The following PRKCZ variants were observed in gnomAD, a reference collection of about 807,000 sequenced individuals.
The protein encoded by PRKCZ is protein kinase C zeta.
PRKCZ carries 33 observed loss-of-function variants against 79.5 expected under a neutral mutation model. The ratio of observed to expected loss-of-function variants is 0.41; its 90% CI spans 0.31 to 0.55. PRKCZ has a LOEUF of 0.55. Ranked by LOEUF, PRKCZ falls within the 20% of genes least tolerant of loss-of-function variation. The pLI is 0.19. For missense variants in PRKCZ, 578 were observed against 813.5 expected (o/e 0.71, Z 3.52); for synonymous variants, 342 against 320.9 (o/e 1.07, Z -0.70).
At chr1:2,155,948 G>A (rs762699917) in intron 9 of PRKCZ, 47 bp from the exon 10 acceptor site, 68 of 1,546,048 alleles carry the variant, frequency 4.4e-5, no homozygotes, top group Non-Finnish European at 5.5e-5. Context: ...GGATGCCTGT[G>A]AGGAGCATTC....
rs1667269709 is a variant in PRKCZ at position 2,100,572 on chromosome 1, G to T, written c.335-34690G>T. ...ACAGGAACTTATGGGTACCTTGCAAGTTTGCACAGAAAGTGGAGCCCGTCT... is the reference window on the plus strand; with the variant it reads ...ACAGGAACTTATGGGTACCTTGCAATTTTGCACAGAAAGTGGAGCCCGTCT... On this transcript the variant is annotated intron_variant, in intron 4 of 17. Transcript: ENST00000378567. Among the ~76,000 whole-genome samples the T allele has an allele frequency of 2.0e-5, 3 of 152,268 alleles. No homozygotes were observed. In the South Asian group the frequency reaches 6.2e-4, roughly 31 times the overall value.
chr1:2,126,591 T>G (rs1244346942), intron 4 of PRKCZ, among the ~76,000 whole-genome samples: 1 of 152,182 alleles, frequency 6.6e-6, no homozygotes, highest in African/African-American at 2.4e-5. Context: ...CTCATTTGAT[T>G]GGCTTAGACC....
At chr1:2,107,971 CA>C (rs1268134909) in intron 4 of PRKCZ, among the ~76,000 whole-genome samples, 4 of 150,248 alleles carry the variant, frequency 2.7e-5, no homozygotes, top group African/African-American at 5.0e-5. Flanking sequence ...AGGGAGCCCC[CA>C]GACAGTGTCA....
At chr1:2,053,752 G>C (rs1238166511) in intron 1 of PRKCZ, among the ~76,000 whole-genome samples, 1 of 152,230 alleles carries the variant, frequency 6.6e-6, no homozygotes, top group African/African-American at 2.4e-5. Context: ...TGGAGTTCCT[G>C]GTGGTCAGAC....
At chr1:2,138,690 C>T (rs571376218) in intron 5 of PRKCZ, among the ~76,000 whole-genome samples, 4 of 152,270 alleles carry the variant, frequency 2.6e-5, no homozygotes, top group African/African-American at 7.2e-5. Flanking sequence ...AATCCCAGCA[C>T]TTTGGGAGGC....
Position 2,169,548 on chromosome 1 carries a change from C to T in PRKCZ, c.1005C>T (p.Gly335=), listed in dbSNP as rs565583717. Residue 335 remains glycine, a synonymous_variant, in exon 11 of 18, where the codon GGC becomes GGT. Coordinates refer to ENST00000378567, the MANE Select transcript of PRKCZ (RefSeq NM_002744.6). ...RLFLVIEYVN[G]GDLMFHMQRQ... Reference sequence around the variant, plus strand: ...TCCTGGTCATTGAGTACGTCAACGGCGGGGACCTGATGTTCCACATGCAGA... The same window carrying T: ...TCCTGGTCATTGAGTACGTCAACGGTGGGGACCTGATGTTCCACATGCAGA... 9 of 1,543,390 alleles carry T rather than the reference C, an allele frequency of 5.8e-6. No individual in the cohort carries two copies. The highest frequency in any genetic ancestry group is 3.6e-5 in the South Asian group (3 of 83,746).
intron 16 of PRKCZ, chr1:2,184,363 G>A: frequency 2.0e-6 from 1 of 497,582 alleles, no homozygotes; most frequent in Non-Finnish European, 3.6e-6. Flanking sequence ...GGCCAGCATG[G>A]CCGACACTGG....
intron 4 of PRKCZ, among the ~76,000 whole-genome samples, chr1:2,061,554 G>A (rs1184342795): frequency 1.3e-5 from 2 of 152,212 alleles, no homozygotes; most frequent in African/African-American, 4.8e-5. Context: ...AGGTCCTTGA[G>A]ATGTTTACCA....
intron 4 of PRKCZ, among the ~76,000 whole-genome samples, chr1:2,060,529 G>C (rs1159482147): frequency 1.4e-5 from 2 of 146,988 alleles, no homozygotes; most frequent in African/African-American, 4.9e-5. Context: ...AAGTGGGGCT[G>C]AATAGAGGTT....
chr1:2,138,715 G>A (rs1368082311), intron 5 of PRKCZ, among the ~76,000 whole-genome samples: 1 of 151,978 alleles, frequency 6.6e-6, no homozygotes, highest in Non-Finnish European at 1.5e-5. Context: ...ATGGGTGATC[G>A]CTTGAGGCCA....
intron 9 of PRKCZ, among the ~76,000 whole-genome samples, chr1:2,153,455 C>T (rs1430201770): frequency 6.6e-6 from 1 of 152,226 alleles, no homozygotes; most frequent in Admixed American, 6.5e-5. Context: ...AGAGCTGGGG[C>T]TGGGGCTGAG....
At chr1:2,106,468 CA>C (rs1557573999) in intron 4 of PRKCZ, among the ~76,000 whole-genome samples, 10,144 of 111,982 alleles carry the variant, frequency 0.091, 2,905 homozygotes, top group Admixed American at 0.15. Flanking sequence ...CAAGCCCCTC[CA>C]GTGGGCGAGG....
intron 4 of PRKCZ, among the ~76,000 whole-genome samples, chr1:2,095,118 A>C (rs1010214626): frequency 1.3e-5 from 2 of 152,148 alleles, no homozygotes; most frequent in South Asian, 2.1e-4. Flanking sequence ...AGTCCAAGCA[A>C]CATCACCACT....
rs138285719 is a variant in PRKCZ, at chr1:2,165,027, G to T, written c.975-4491G>T. 2.0e-5 allele frequency among the ~76,000 whole-genome samples: 3 copies of T among 152,206 alleles called. No homozygotes were observed. The highest frequency in any genetic ancestry group is 1.9e-4 in the East Asian group (1 of 5,186). ...GCCTTTGCACGTGAGCCCCATTGTC[G>T]CTGGGACACACTGCCCTCCAGTGCT... On this transcript the variant is annotated intron_variant, in intron 10 of 17. Coordinates refer to ENST00000378567, the MANE Select transcript of PRKCZ (RefSeq NM_002744.6). This position sits in a 1 kb window ranked among gnomAD's most constrained non-coding sequence, Gnocchi z 4.1.
At chr1:2,137,055 G>A (rs1162149642) in intron 5 of PRKCZ, among the ~76,000 whole-genome samples, 2 of 152,118 alleles carry the variant, frequency 1.3e-5, no homozygotes, top group Non-Finnish European at 2.9e-5. Flanking sequence ...GGCTCACTCC[G>A]AGTCCAAAAG....
intron 4 of PRKCZ, among the ~76,000 whole-genome samples, chr1:2,099,464 T>G (rs576002417): frequency 7.7e-6 from 1 of 129,982 alleles, no homozygotes; most frequent in South Asian, 2.6e-4. Flanking sequence ...CAGGGTGTGA[T>G]GGACACAGGC....
intron 16 of PRKCZ, among the ~76,000 whole-genome samples, chr1:2,183,094 G>A (rs528366934): frequency 6.6e-6 from 1 of 152,330 alleles, no homozygotes; most frequent in African/African-American, 2.4e-5. Context: ...AGCCAGGCGT[G>A]GTGGCGGGCG....
chr1:2,073,783 C>T lies in PRKCZ; in HGVS notation c.334+14192C>T, dbSNP rs560810699. 5.9e-6 allele frequency: 6 copies of T among 1,018,360 alleles called. No homozygotes were observed. In the East Asian group the frequency reaches 3.0e-4, roughly 51 times the overall value. 63.1% of individuals were successfully genotyped at this position (1,018,360 alleles called of 1,614,324 possible). On this transcript the variant is annotated intron_variant, in intron 4 of 17. Coordinates refer to ENST00000378567, the MANE Select transcript of PRKCZ (RefSeq NM_002744.6). ...GGCCTTCCGTTAAATATCTGCTCCT[C>T]GCGCTCGAGCCTCCCTGCCTATTGT... is the stretch of plus-strand genomic sequence containing the variant.
chr1:2,088,206 C>T (rs140135076), intron 4 of PRKCZ, among the ~76,000 whole-genome samples: 149 of 152,214 alleles, frequency 9.8e-4, no homozygotes, highest in Middle Eastern at 6.8e-3. Flanking sequence ...ATCTGGATAA[C>T]GCCCAGCACA....
Sources: gnomAD v4.1 joint callset for allele counts (sites outside exome capture counted in the v4.1 genomes callset) on GRCh38, gnomAD v4.1.1 for gene constraint, Gnocchi (gnomAD v3.1) non-coding constraint, MANE v1.5 for transcripts, NCBI Gene and HGNC (gene_info 2026-07-23, HGNC 2026-07-21) for gene names.